ZNF341: variants seen among roughly 807,000 people sequenced by gnomAD.
The protein encoded by ZNF341 is zinc finger protein 341.
A neutral mutation model predicts 87.7 loss-of-function variants in ZNF341; 52 were observed. The observed-to-expected ratio is 0.59, with a 90% CI of 0.47 to 0.75. The LOEUF (loss-of-function observed/expected upper bound fraction) is 0.75, where lower values mean the gene tolerates loss of function less well. ZNF341 is among the 30% of genes least tolerant of loss of function. ZNF341 has a pLI of 0.00. For missense variants in ZNF341, 977 were observed against 1,145.9 expected (o/e 0.85, Z 2.13); for synonymous variants, 459 against 472.7 (o/e 0.97, Z 0.38).
chr20:33,774,052 G>A (rs1213747815), intron 10 of ZNF341, among the ~76,000 whole-genome samples: 1 of 151,284 alleles, frequency 6.6e-6, no homozygotes, highest in Non-Finnish European at 1.5e-5. Context: ...GTCCGAGGAG[G>A]GCAGATCACT....
intron 3 of ZNF341, among the ~76,000 whole-genome samples, chr20:33,748,164 C>T (rs2018973730): frequency 3.9e-5 from 6 of 152,022 alleles, no homozygotes; most frequent in Admixed American, 3.9e-4. Flanking sequence ...CTCCATCTCC[C>T]AGGTTCAAGC....
chr20:33,783,163 T>TAA (rs1450940502), intron 11 of ZNF341, among the ~76,000 whole-genome samples: 38 of 125,544 alleles, frequency 3.0e-4, no homozygotes, highest in Non-Finnish European at 5.5e-4. Flanking sequence ...TCAAATAAAA[T>TAA]AAAATAAAAT....
rs1365683881 is a variant in ZNF341 at position 33,732,964 on chromosome 20, G to A, written c.31+912G>A. On this transcript the variant is annotated intron_variant, in intron 1 of 14. Transcript: ENST00000375200. This position sits in a 1 kb window ranked among gnomAD's most constrained non-coding sequence, Gnocchi z 4.5. ...TGGGATGAGATGAGTATACAGATAG[G>A]GTGCAAACTCGAAGTACTGGACTGG... 6.6e-6 allele frequency among the ~76,000 whole-genome samples: 1 copy of A among 152,158 alleles called. No individual in the cohort carries two copies. The highest frequency in any genetic ancestry group is 1.5e-5 in the Non-Finnish European group (1 of 68,016).
chr20:33,771,013 T>C (rs1409222008), intron 10 of ZNF341, among the ~76,000 whole-genome samples: 1 of 151,758 alleles, frequency 6.6e-6, no homozygotes, highest in Non-Finnish European at 1.5e-5. Flanking sequence ...TCCCAGCTAC[T>C]TGGGAGGCTG....
chr20:33,780,704 C>T (rs2019724063), intron 10 of ZNF341, among the ~76,000 whole-genome samples: 1 of 151,202 alleles, frequency 6.6e-6, no homozygotes, highest in African/African-American at 2.4e-5. Flanking sequence ...GTCACCACAC[C>T]AGGCCTTTTT....
Position 33,732,198 on chromosome 20 carries a change from G to A in ZNF341, c.31+146G>A, listed in dbSNP as rs924752692. 112 of 599,122 alleles carry A rather than the reference G, an allele frequency of 1.9e-4. 1 individual carries two copies. The Admixed American group carries it at 3.3e-3, about 18-fold the overall frequency. 37.1% of individuals were successfully genotyped at this position (599,122 alleles called of 1,614,324 possible). A position where few individuals can be genotyped will look rare whatever the true frequency, so the allele number is the denominator to read the frequency against. On this transcript the variant is annotated intron_variant, in intron 1 of 14. Coordinates refer to ENST00000375200, the MANE Select transcript of ZNF341 (RefSeq NM_001282933.2). This position sits in a 1 kb window ranked among gnomAD's most constrained non-coding sequence, Gnocchi z 4.5. ...ACAGCCGCGGGGCGGGAGGGGCGCG[G>A]GCGGGAACAGCGCGGGAGCCGAGGC...
rs376855897 is a variant in ZNF341 at position 33,757,244 on chromosome 20, G to T, written c.838G>T (p.Ala280Ser). The T allele has an allele frequency of 2.5e-6, 4 of 1,604,184 alleles. No homozygotes were observed. The highest frequency in any genetic ancestry group is 1.1e-5 in the South Asian group (1 of 89,464). The part of the protein sequence containing the change: ...GFKPKGPNPA[A>S]PMTSATGGTV... The stretch of plus-strand genomic sequence containing the variant: ...CAAACCCAAAGGACCAAACCCCGCC[G>T]CCCCCATGACCAGCGCCACCGGGGG... The change falls in exon 6 of 15, where the codon GCC (alanine) becomes TCC (serine). Residue 280 changes from alanine to serine, a missense_variant. Coordinates refer to ENST00000375200, the MANE Select transcript of ZNF341 (RefSeq NM_001282933.2).
intron 4 of ZNF341, among the ~76,000 whole-genome samples, chr20:33,750,633 T>A (rs1486705129): frequency 3.1e-5 from 2 of 65,534 alleles, no homozygotes; most frequent in Non-Finnish European, 5.2e-5. Flanking sequence ...CTTGGCTAAT[T>A]TTAAAAAAAA....
rs2020044469 is a variant in ZNF341, at chr20:33,791,812, C to T, written c.*295C>T. 1 of 371,674 alleles carries T rather than the reference C, an allele frequency of 2.7e-6. No individual in the cohort carries two copies. Among genetic ancestry groups the T allele is most frequent in the Non-Finnish European group, 4.8e-6 (1 of 206,560 alleles). The allele number at this position is 371,674 out of a possible 1,614,324, so 23.0% of individuals were successfully genotyped here. A position where few individuals can be genotyped will look rare whatever the true frequency, so the allele number is the denominator to read the frequency against. ...CTGAGCAGCCCAGAGTCCCGCTGGT[C>T]TAGGCTGGTGGTCGGGGCCCCTGGG... On this transcript the variant is annotated 3_prime_UTR_variant, in exon 15 of 15. Transcript: ENST00000375200.
In ZNF341 at chr20:33,791,317, C is replaced by T; in HGVS notation, c.2365C>T (p.Pro789Ser). The T allele has an allele frequency of 6.2e-7, 1 of 1,611,654 alleles. No homozygotes were observed. Among genetic ancestry groups the T allele is most frequent in the Non-Finnish European group, 8.5e-7 (1 of 1,179,442 alleles). Residue 789 changes from proline (P) to serine (S), a missense_variant, in exon 15 of 15, where the codon CCC becomes TCC. Physicochemically the swap from Pro to Ser is moderately conservative, Grantham distance 74 (BLOSUM62 -1). This residue lies in a region of ZNF341 where 221 missense variants were observed against 212.7 expected (regional missense o/e 1.04). Coordinates refer to ENST00000375200, the MANE Select transcript of ZNF341 (RefSeq NM_001282933.2). ...GGCTGGGCTGGTGCCCGAGGCTGTCCCCGGCAAGCCGCCCTTCGCAGAGCC... is the reference window on the plus strand; with the variant it reads ...GGCTGGGCTGGTGCCCGAGGCTGTCTCCGGCAAGCCGCCCTTCGCAGAGCC... ...TGAGLVPEAV[P>S]GKPPFAEPDA...
At chr20:33,758,388 T>C (rs573693061) in intron 6 of ZNF341, among the ~76,000 whole-genome samples, 1 of 151,850 alleles carries the variant, frequency 6.6e-6, no homozygotes, top group South Asian at 2.1e-4. Context: ...TAGCTAGGAG[T>C]CCACTGCAGC....
At position 33,791,698 on chromosome 20, in the gene ZNF341, G is replaced by A. The variant is rs528049048; in HGVS notation, c.*181G>A. On this transcript the variant is annotated 3_prime_UTR_variant, in exon 15 of 15. Transcript: ENST00000375200. The stretch of plus-strand genomic sequence containing the variant: ...CGCCCTCCTGTGCCCCTCTCCTGCC[G>A]GAAAGCCCTGCAACATTCTAGGGTT... 29 of 668,932 alleles carry A rather than the reference G, an allele frequency of 4.3e-5. No homozygotes were observed. The highest frequency in any genetic ancestry group is 1.0e-4 in the South Asian group (4 of 38,700). 41.4% of individuals were successfully genotyped at this position (668,932 alleles called of 1,614,324 possible).
In ZNF341 at chr20:33,767,050, A is replaced by T. The variant is rs1568948324; in HGVS notation, c.1413+9A>T. The T allele has an allele frequency of 6.2e-7, 1 of 1,607,970 alleles. No individual in the cohort carries two copies. On this transcript the variant is annotated intron_variant, in intron 9 of 14. Coordinates refer to ENST00000375200, the MANE Select transcript of ZNF341 (RefSeq NM_001282933.2). ...AGCATAAGAATGAGCAGGTAGGTGG[A>T]TGGTGGCAGCAGGGGCCCACACCAC...
chr20:33,751,239 T>C (rs1444423844), intron 4 of ZNF341, among the ~76,000 whole-genome samples: 1 of 152,032 alleles, frequency 6.6e-6, no homozygotes, highest in Non-Finnish European at 1.5e-5. Context: ...ACCTGCTTGA[T>C]TTTTTTTGTA....
intron 11 of ZNF341, 151 bp from the exon 12 acceptor site, chr20:33,783,581 G>C: frequency 9.3e-7 from 1 of 1,080,988 alleles, no homozygotes; most frequent in South Asian, 1.4e-5. Flanking sequence ...AAGTTCTAAG[G>C]GCTGAGTCTG....
chr20:33,790,587 A>G (rs962214231), intron 14 of ZNF341, among the ~76,000 whole-genome samples: 2 of 152,200 alleles, frequency 1.3e-5, no homozygotes, highest in South Asian at 2.1e-4. Flanking sequence ...AGAAAGTGTG[A>G]AAACTGGGAG....
chr20:33,747,472 G>A (rs1360836535), intron 3 of ZNF341, among the ~76,000 whole-genome samples: 2 of 144,592 alleles, frequency 1.4e-5, no homozygotes, highest in African/African-American at 2.8e-5. Context: ...AAAATTAGCC[G>A]GGCGTAGTGG....
intron 2 of ZNF341, among the ~76,000 whole-genome samples, chr20:33,742,807 G>A (rs2018831263): frequency 6.6e-6 from 1 of 152,044 alleles, no homozygotes; most frequent in Admixed American, 6.6e-5. Context: ...TGCAGATACG[G>A]TACAGTTCTA....
chr20:33,780,696 C>T (rs1321633400), intron 10 of ZNF341, among the ~76,000 whole-genome samples: 1 of 151,004 alleles, frequency 6.6e-6, no homozygotes, highest in South Asian at 2.1e-4. Context: ...AGGTGTGAGT[C>T]ACCACACCAG....
Sources: allele counts gnomAD v4.1 joint callset (sites outside exome capture counted in the v4.1 genomes callset), GRCh38; gene constraint gnomAD v4.1.1; regional missense constraint gnomAD v4.1.1; non-coding constraint Gnocchi (gnomAD v3.1); transcripts MANE v1.5; gene names NCBI Gene and HGNC (gene_info 2026-07-23, HGNC 2026-07-21).